The following AAMDC variants were observed in gnomAD, a reference collection of about 807,000 sequenced individuals.
AAMDC encodes the protein mth938 domain-containing protein.
Under a neutral mutation model 15.5 loss-of-function variants are expected in AAMDC, and 16 were observed. That is an observed-to-expected ratio of 1.03 (90% confidence interval 0.70 to 1.57). AAMDC has a LOEUF of 1.57. Ranked by LOEUF, AAMDC falls within the 40% of genes most tolerant of loss-of-function variation. The probability of loss-of-function intolerance (pLI) is 0.00; values close to 1 mark genes in which losing one functional copy is unlikely to be tolerated. For synonymous variants in AAMDC, 51 were observed against 51.6 expected (o/e 0.99, Z 0.05); for missense variants, 141 against 144.9 (o/e 0.97, Z 0.14).
intron 5 of AAMDC, chr11:77,878,862 C>T (rs977429731): frequency 4.3e-6 from 4 of 939,078 alleles, no homozygotes; most frequent in Non-Finnish European, 7.0e-6. Flanking sequence ...GCCTACACAT[C>T]AATTCCAGGT....
intron 1 of AAMDC, among the ~76,000 whole-genome samples, chr11:77,835,005 C>A (rs532692632): frequency 6.6e-6 from 1 of 152,148 alleles, no homozygotes; most frequent in African/African-American, 2.4e-5. Context: ...CAACAAAAAT[C>A]TGATTTATAA....
At chr11:77,823,602 A>T (rs1949033677) in intron 1 of AAMDC, among the ~76,000 whole-genome samples, 1 of 130,040 alleles carries the variant, frequency 7.7e-6, no homozygotes, top group South Asian at 2.6e-4. Flanking sequence ...AGCCTGGGCG[A>T]CAGAACTACA....
chr11:77,876,231 C>T (rs1045420449), downstream of AAMDC, among the ~76,000 whole-genome samples: 8 of 152,092 alleles, frequency 5.3e-5, no homozygotes, highest in African/African-American at 1.9e-4. Context: ...AGACCACTCA[C>T]TAAGAACAGA....
At chr11:77,893,396 A>G (rs938703801) in intron 5 of AAMDC, among the ~76,000 whole-genome samples, 5 of 152,166 alleles carry the variant, frequency 3.3e-5, no homozygotes, top group African/African-American at 1.2e-4. Context: ...TCTTGAAGCC[A>G]GAAGTTTGAG....
At chr11:77,863,748 C>T (rs1390352349) in intron 2 of AAMDC, among the ~76,000 whole-genome samples, 1 of 152,104 alleles carries the variant, frequency 6.6e-6, no homozygotes, top group African/African-American at 2.4e-5. Flanking sequence ...CTCCTGGCCT[C>T]AAGCGACCCT....
At chr11:77,855,146 A>G (rs1950559740) in intron 2 of AAMDC, among the ~76,000 whole-genome samples, 1 of 152,168 alleles carries the variant, frequency 6.6e-6, no homozygotes, top group Non-Finnish European at 1.5e-5. Context: ...CTGTCCCACA[A>G]AACCATTATT....
At chr11:77,835,207 A>G (rs139536529) in intron 1 of AAMDC, among the ~76,000 whole-genome samples, 1 of 152,290 alleles carries the variant, frequency 6.6e-6, no homozygotes, top group African/African-American at 2.4e-5. Flanking sequence ...CTTTCAGGAA[A>G]TTTCTTAAAG....
At chr11:77,893,415 G>A (rs79900068) in intron 5 of AAMDC, among the ~76,000 whole-genome samples, 1 of 152,086 alleles carries the variant, frequency 6.6e-6, no homozygotes, top group Non-Finnish European at 1.5e-5. Flanking sequence ...AGACCAGCCT[G>A]AGCAACACAG....
Position 77,887,435 on chromosome 11 carries a change from G to A in AAMDC, c.328+10386G>A, listed in dbSNP as rs1952061609. Reference sequence around the variant, plus strand: ...TGAGACGTATCTCAAAATAATAAGAGCTATCTATGACAAACCCACAGCCAA... The same window carrying A: ...TGAGACGTATCTCAAAATAATAAGAACTATCTATGACAAACCCACAGCCAA... On this transcript the variant is annotated intron_variant, in intron 5 of 5. Coordinates refer to the AAMDC transcript ENST00000304716. Among the ~76,000 whole-genome samples the A allele has an allele frequency of 2.0e-5, 3 of 152,206 alleles. No individual in the cohort carries two copies. In the South Asian group the frequency reaches 6.2e-4, roughly 32 times the overall value.
chr11:77,876,067 G>A (rs117780371), downstream of AAMDC, among the ~76,000 whole-genome samples: 117 of 152,290 alleles, frequency 7.7e-4, no homozygotes, highest in East Asian at 0.02. Flanking sequence ...AGGGCTGATG[G>A]TGGTTCCATC....
downstream of AAMDC, among the ~76,000 whole-genome samples, chr11:77,903,059 C>T (rs184486043): frequency 3.3e-5 from 5 of 152,254 alleles, no homozygotes; most frequent in East Asian, 1.9e-4. Flanking sequence ...TGTGAGCCAC[C>T]GCGCCCGGCC....
downstream of AAMDC, chr11:77,903,567 A>C (rs1952844936): frequency 6.2e-7 from 1 of 1,613,644 alleles, no homozygotes; most frequent in Non-Finnish European, 8.5e-7. Context: ...AGGCCAAATC[A>C]CTCTGCTTCA....
At chr11:77,880,325 T>C (rs933702231) in intron 5 of AAMDC, among the ~76,000 whole-genome samples, 2 of 152,138 alleles carry the variant, frequency 1.3e-5, no homozygotes, top group African/African-American at 4.8e-5. Flanking sequence ...AGAGACTGGA[T>C]TGCTGTCCTC....
At chr11:77,835,005 C>T (rs532692632) in intron 1 of AAMDC, among the ~76,000 whole-genome samples, 1 of 152,266 alleles carries the variant, frequency 6.6e-6, no homozygotes, top group South Asian at 2.1e-4. Context: ...CAACAAAAAT[C>T]TGATTTATAA....
chr11:77,828,624 T>A (rs1157158305), intron 1 of AAMDC, among the ~76,000 whole-genome samples: 1 of 144,782 alleles, frequency 6.9e-6, no homozygotes, highest in Non-Finnish European at 1.5e-5. Context: ...TGAGCCAAGA[T>A]CGCACCACTG....
downstream of AAMDC, among the ~76,000 whole-genome samples, chr11:77,875,436 G>A (rs995385330): frequency 1.3e-5 from 2 of 152,148 alleles, no homozygotes; most frequent in Non-Finnish European, 2.9e-5. Flanking sequence ...TAACTTTCAT[G>A]AAAATGAAGA....
chr11:77,822,938 G>C (rs1049658054), intron 1 of AAMDC, among the ~76,000 whole-genome samples: 2 of 152,092 alleles, frequency 1.3e-5, no homozygotes, highest in Non-Finnish European at 2.9e-5. Flanking sequence ...AAAATCCGCC[G>C]GGCGCTGTGG....
At chr11:77,886,582 C>A (rs1034925013) in intron 5 of AAMDC, among the ~76,000 whole-genome samples, 2 of 151,408 alleles carry the variant, frequency 1.3e-5, no homozygotes, top group Non-Finnish European at 2.9e-5. Context: ...ATTAGTGACG[C>A]ACATGAATGG....
At chr11:77,897,656 A>G (rs544563040) in intron 5 of AAMDC, among the ~76,000 whole-genome samples, 6 of 140,824 alleles carry the variant, frequency 4.3e-5, no homozygotes, top group Non-Finnish European at 6.1e-5. Context: ...ACCTGCCACC[A>G]CGCCCGGCTA....
Sources: allele counts gnomAD v4.1 joint callset (sites outside exome capture counted in the v4.1 genomes callset), GRCh38; gene constraint gnomAD v4.1.1; transcripts MANE v1.5; gene names NCBI Gene and HGNC (gene_info 2026-07-23, HGNC 2026-07-21).